Variants in TRHR observed in about 807,000 individuals in gnomAD.
TRHR encodes thyrotropin releasing hormone receptor.
A neutral mutation model predicts 28.0 loss-of-function variants in TRHR; 14 were observed. The observed-to-expected ratio is 0.50, with a 90% CI of 0.33 to 0.78. The LOEUF is 0.78. Ranked by LOEUF, TRHR falls within the 30% of genes least tolerant of loss-of-function variation. TRHR has a pLI of 0.02. For synonymous variants in TRHR, 176 were observed against 171.9 expected, an observed-to-expected ratio of 1.02 and a Z score of -0.18; for missense variants, 438 against 469.5, an observed-to-expected ratio of 0.93 and a Z score of 0.62.
At chr8:109,104,642 A>G (rs1349075439) in intron 2 of TRHR, among the ~76,000 whole-genome samples, 1 of 152,030 alleles carries the variant, frequency 6.6e-6, no homozygotes, top group Non-Finnish European at 1.5e-5. Context: ...AGAACAGGAC[A>G]TTTTCCCATC....
At chr8:109,102,208 C>T (rs548244428) in intron 2 of TRHR, among the ~76,000 whole-genome samples, 4 of 152,024 alleles carry the variant, frequency 2.6e-5, no homozygotes, top group South Asian at 4.2e-4. Context: ...CATGGAGAAA[C>T]GAGGCAAGGT....
chr8:109,119,534 T>G lies in TRHR; in HGVS notation c.*79T>G. ...TCAACAAAAGGGAGAACATGGCCAA[T>G]AGTCATATGTGAAGACAGAGCAGAT... On this transcript the variant is annotated 3_prime_UTR_variant, in exon 3 of 3. Transcript: ENST00000518632. 2.0e-6 allele frequency: 3 copies of G among 1,512,622 alleles called. No homozygotes were observed. Among genetic ancestry groups the G allele is most frequent in the Non-Finnish European group, 2.7e-6 (3 of 1,104,722 alleles). The allele number at this position is 1,512,622 out of a possible 1,614,324, so 93.7% of individuals were successfully genotyped here. A position where few individuals can be genotyped will look rare whatever the true frequency, so the allele number is the denominator to read the frequency against.
At chr8:109,108,384 A>T (rs1187685010) in intron 2 of TRHR, among the ~76,000 whole-genome samples, 1 of 152,166 alleles carries the variant, frequency 6.6e-6, no homozygotes, top group Non-Finnish European at 1.5e-5. Flanking sequence ...TACCCTTACC[A>T]GGCTATATAG....
Position 109,120,599 on chromosome 8 carries a change from T to C in TRHR, c.*1144T>C, listed in dbSNP as rs1811993772. 6.6e-6 allele frequency among the ~76,000 whole-genome samples: 1 copy of C among 151,866 alleles called. No homozygotes were observed. Among genetic ancestry groups the C allele is most frequent in the Admixed American group, 6.6e-5 (1 of 15,198 alleles). On this transcript the variant is annotated 3_prime_UTR_variant, in exon 3 of 3. Coordinates refer to ENST00000518632, the MANE Select transcript of TRHR (RefSeq NM_003301.7). ...TCTCAAATGCTAGTGATATTTTGTT[T>C]ACAGATTCTAAAAGCAATGCAAAAT...
chr8:109,105,292 T>C (rs1449061946), intron 2 of TRHR, among the ~76,000 whole-genome samples: 1 of 152,176 alleles, frequency 6.6e-6, no homozygotes, highest in Non-Finnish European at 1.5e-5. Flanking sequence ...ATGGCAACAC[T>C]ATTCTCTGCT....
chr8:109,110,083 C>G (rs1586193483), intron 2 of TRHR, among the ~76,000 whole-genome samples: 1 of 152,152 alleles, frequency 6.6e-6, no homozygotes, highest in South Asian at 2.1e-4. Flanking sequence ...CATGCAGCCC[C>G]CCTGAGATAT....
intron 1 of TRHR, 59 bp downstream of exon 1, chr8:109,086,942 A>C (rs1186394217): frequency 6.3e-6 from 1 of 158,066 alleles, no homozygotes; most frequent in Non-Finnish European, 1.4e-5. Context: ...GGGAAATGTC[A>C]TCTCAAAGGC....
At position 109,087,775 on chromosome 8, in the gene TRHR, A is replaced by C; in HGVS notation, c.263A>C (p.Tyr88Ser). ...CTCCCCAACATAACAGACAGTATCTACGGTTCCTGGGTCTATGGCTATGTT... is the reference window on the plus strand; with the variant it reads ...CTCCCCAACATAACAGACAGTATCTCCGGTTCCTGGGTCTATGGCTATGTT... ...AGLPNITDSI[Y>S]GSWVYGYVGC... The change falls in exon 2 of 3, where the codon TAC becomes TCC. Residue 88 changes from tyrosine to serine, a missense_variant. Transcript: ENST00000518632. The C allele has an allele frequency of 1.2e-6, 2 of 1,614,144 alleles. No individual in the cohort carries two copies. Among genetic ancestry groups the C allele is most frequent in the Non-Finnish European group, 1.7e-6 (2 of 1,180,026 alleles).
rs1466468623 is a variant in TRHR, at chr8:109,119,977, A to T, written c.*522A>T. Among the ~76,000 whole-genome samples, 2 of 151,950 alleles carry T rather than the reference A, an allele frequency of 1.3e-5. No individual in the cohort carries two copies. On this transcript the variant is annotated 3_prime_UTR_variant, in exon 3 of 3. Coordinates refer to ENST00000518632, the MANE Select transcript of TRHR (RefSeq NM_003301.7). The stretch of plus-strand genomic sequence containing the variant: ...AACATTTTATTTATTGAGTAAAAAT[A>T]AGATTTTAGACATACATGTTAACTG...
chr8:109,088,162 T>A lies in TRHR; in HGVS notation c.650T>A (p.Ile217Asn). Residue 217 changes from isoleucine (I) to asparagine (N), a missense_variant, in exon 2 of 3, where the codon ATC becomes AAC. Coordinates refer to ENST00000518632, the MANE Select transcript of TRHR (RefSeq NM_003301.7). ...ATVLYGFIAR[I>N]LFLNPIPSDP... ...GTCCTCTATGGATTCATAGCTAGAATCCTTTTCTTAAATCCCATTCCTTCA... is the reference window on the plus strand; with the variant it reads ...GTCCTCTATGGATTCATAGCTAGAAACCTTTTCTTAAATCCCATTCCTTCA... The A allele has an allele frequency of 6.2e-7, 1 of 1,614,170 alleles. No homozygotes were observed. The highest frequency in any genetic ancestry group is 1.7e-5 in the Admixed American group (1 of 60,018).
intron 2 of TRHR, among the ~76,000 whole-genome samples, chr8:109,115,661 C>G (rs1213156542): frequency 6.6e-6 from 1 of 152,076 alleles, no homozygotes; most frequent in Non-Finnish European, 1.5e-5. Context: ...GATTTTGTAT[C>G]CTGAGACTTT....
At chr8:109,106,700 A>G (rs1249825847) in intron 2 of TRHR, among the ~76,000 whole-genome samples, 1 of 152,174 alleles carries the variant, frequency 6.6e-6, no homozygotes, top group Admixed American at 6.6e-5. Flanking sequence ...CAGACACAAT[A>G]TAATAATGAC....
rs532967132 is a variant in TRHR at position 109,113,866 on chromosome 8, AGAAGAGATAACCCAATTAGCCT to A, written c.790-5180_790-5159del. Among the ~76,000 whole-genome samples, 18 of 152,254 alleles carry A rather than the reference AGAAGAGATAACCCAATTAGCCT, an allele frequency of 1.2e-4. No individual in the cohort carries two copies. The East Asian group carries it at 3.5e-3, about 29-fold the overall frequency. ...GTAATAGAAGATTCAAAAGCATGCT[AGAAGAGATAACCCAATTAGCCT>A]GTTTCTTCCATGCAGCACATATACG... On this transcript the variant is annotated intron_variant, in intron 2 of 2. Coordinates refer to ENST00000518632, the MANE Select transcript of TRHR (RefSeq NM_003301.7).
chr8:109,118,812 C>T (rs1356560716), intron 2 of TRHR, among the ~76,000 whole-genome samples: 1 of 151,858 alleles, frequency 6.6e-6, no homozygotes, highest in Non-Finnish European at 1.5e-5. Flanking sequence ...ATAGGGGGAG[C>T]TATCTCAATA....
chr8:109,104,596 G>A (rs1273784353), intron 2 of TRHR, among the ~76,000 whole-genome samples: 1 of 151,898 alleles, frequency 6.6e-6, no homozygotes, highest in African/African-American at 2.4e-5. Flanking sequence ...TTGCAAATTT[G>A]TTGTTGTCAA....
At position 109,119,410 on chromosome 8, in the gene TRHR, T is replaced by TGCCACAGGCAA. The variant is rs777152963; in HGVS notation, c.1153_1154insCCACAGGCAAG (p.Asp385AlafsTer21). Reference sequence around the variant, plus strand: ...ACCTGTCTGCCACAAAAGTGTCTTTTGATGACACCTGCTTGGCTTCTGAGG... The same window carrying TGCCACAGGCAA: ...ACCTGTCTGCCACAAAAGTGTCTTTTGCCACAGGCAAGATGACACCTGCTTGGCTTCTGAGG... On this transcript the variant is annotated frameshift_variant, in exon 3 of 3. Transcript: ENST00000518632. LOFTEE classifies it high-confidence loss of function. 38 of 1,612,280 alleles carry TGCCACAGGCAA rather than the reference T, an allele frequency of 2.4e-5. No homozygotes were observed. Among genetic ancestry groups the TGCCACAGGCAA allele is most frequent in the Non-Finnish European group, 3.0e-5 (35 of 1,178,984 alleles).
chr8:109,087,799 T>C lies in TRHR; in HGVS notation c.287T>C (p.Val96Ala), dbSNP rs902368594. ...SIYGSWVYGY[V>A]GCLCITYLQY... is the part of the protein sequence containing the mutation. Reference sequence around the variant, plus strand: ...TACGGTTCCTGGGTCTATGGCTATGTTGGATGCCTCTGCATTACTTACCTC... The same window carrying C: ...TACGGTTCCTGGGTCTATGGCTATGCTGGATGCCTCTGCATTACTTACCTC... The change falls in exon 2 of 3, where the codon GTT becomes GCT. Residue 96 changes from valine (V) to alanine (A), a missense_variant. Coordinates refer to ENST00000518632, the MANE Select transcript of TRHR (RefSeq NM_003301.7). 5 of 1,614,078 alleles carry C rather than the reference T, an allele frequency of 3.1e-6. No individual in the cohort carries two copies. In the African/African-American group the frequency reaches 5.3e-5, roughly 17 times the overall value.
chr8:109,105,530 A>G (rs949735267), intron 2 of TRHR, among the ~76,000 whole-genome samples: 1 of 152,172 alleles, frequency 6.6e-6, no homozygotes, highest in African/African-American at 2.4e-5. Context: ...TTCCTGTTGC[A>G]TGGAGCTATC....
Position 109,119,504 on chromosome 8 carries a change from A to G in TRHR, c.*49A>G. On this transcript the variant is annotated 3_prime_UTR_variant, in exon 3 of 3. Coordinates refer to ENST00000518632, the MANE Select transcript of TRHR (RefSeq NM_003301.7). ...TGACAAAGAAAATGAGAATCTGTGC[A>G]GTCATCAACAAAAGGGAGAACATGG... 6.3e-7 allele frequency: 1 copy of G among 1,598,928 alleles called. No homozygotes were observed. The highest frequency in any genetic ancestry group is 8.5e-7 in the Non-Finnish European group (1 of 1,173,554).
Sources: gnomAD v4.1 joint callset for allele counts (sites outside exome capture counted in the v4.1 genomes callset) on GRCh38, gnomAD v4.1.1 for gene constraint, MANE v1.5 for transcripts, NCBI Gene and HGNC (gene_info 2026-07-23, HGNC 2026-07-21) for gene names.